The following MUSK variants were observed in gnomAD, a reference collection of about 807,000 sequenced individuals.
MUSK encodes the protein muscle associated receptor tyrosine kinase.
MUSK carries 55 observed loss-of-function variants against 88.7 expected under a neutral mutation model. The ratio of observed to expected loss-of-function variants is 0.62; its 90% CI spans 0.50 to 0.78. The LOEUF is 0.78. MUSK is among the 30% of genes least tolerant of loss of function. MUSK has a pLI of 0.00. For missense variants in MUSK, 1,015 were observed against 1,074.3 expected (o/e 0.94, Z 0.77); for synonymous variants, 387 against 391.9 (o/e 0.99, Z 0.15).
intron 2 of MUSK, among the ~76,000 whole-genome samples, chr9:110,683,634 G>T (rs1388193922): frequency 6.6e-6 from 1 of 151,902 alleles, no homozygotes; most frequent in Non-Finnish European, 1.5e-5. Flanking sequence ...ACACATCCTT[G>T]CGAGCATTTG....
At chr9:110,743,634 C>T (rs144874439) in intron 6 of MUSK, among the ~76,000 whole-genome samples, 5 of 152,186 alleles carry the variant, frequency 3.3e-5, no homozygotes, top group Admixed American at 3.3e-4. Context: ...AGCCAAATCA[C>T]CTAGGTTGAA....
chr9:110,800,467 C>T lies in MUSK; in HGVS notation c.2089C>T (p.Leu697Phe). ...AQVSSPGPPP[L>F]SCAEQLCIAR... The stretch of plus-strand genomic sequence containing the variant: ...GGTCTCCAGCCCTGGGCCCCCACCC[C>T]TCTCCTGTGCTGAGCAGCTTTGCAT... Residue 697 changes from leucine to phenylalanine, a missense_variant, in exon 15 of 15, where the codon CTC (leucine) becomes TTC (phenylalanine). Physicochemically the swap from Leu to Phe is conservative, Grantham distance 22. Transcript: ENST00000374448. The T allele has an allele frequency of 1.2e-6, 2 of 1,613,950 alleles. No individual in the cohort carries two copies. Among genetic ancestry groups the T allele is most frequent in the Admixed American group, 1.7e-5 (1 of 60,018 alleles).
Position 110,747,482 on chromosome 9 carries a change from T to G in MUSK, c.754-159T>G, listed in dbSNP as rs537906439. ...TGAGGGAAGAGCTACAAAGTCACAT[T>G]GCAAGGGCATGGACACAGGGAGGGA... On this transcript the variant is annotated intron_variant, in intron 6 of 14. Coordinates refer to ENST00000374448, the MANE Select transcript of MUSK (RefSeq NM_005592.4). Among the ~76,000 whole-genome samples the G allele has an allele frequency of 2.6e-5, 4 of 152,340 alleles. No homozygotes were observed. In the South Asian group the frequency reaches 8.3e-4, roughly 32 times the overall value.
chr9:110,782,320 G>C lies in MUSK; in HGVS notation c.1385-2495G>C, dbSNP rs530657254. On this transcript the variant is annotated intron_variant, in intron 11 of 14. Coordinates refer to ENST00000374448, the MANE Select transcript of MUSK (RefSeq NM_005592.4). ...ATTGATGTAGTTCAAGGGAAGATCA[G>C]ATCAAATCAGAAGCAGTCATCAAGG... 2.0e-5 allele frequency among the ~76,000 whole-genome samples: 3 copies of C among 152,288 alleles called. No homozygotes were observed. In the East Asian group the frequency reaches 5.8e-4, roughly 29 times the overall value.
In MUSK at chr9:110,785,602, C is replaced by T. The variant is rs2077842566; in HGVS notation, c.1662C>T (p.Tyr554=). The T allele has an allele frequency of 6.2e-7, 1 of 1,613,380 alleles. No homozygotes were observed. Among genetic ancestry groups the T allele is most frequent in the Non-Finnish European group, 8.5e-7 (1 of 1,179,626 alleles). Residue 554 remains tyrosine (Y), a synonymous_variant, in exon 13 of 15, where the codon TAC becomes TAT. Transcript: ENST00000374448. ...LLDRLHPNPM[Y]QRMPLLLNPK... is the part of the protein sequence containing the mutation. The stretch of plus-strand genomic sequence containing the variant: ...ATAGACTTCATCCCAACCCCATGTA[C>T]CAGAGGATGCCGCTCCTTCTGAACC...
intron 11 of MUSK, among the ~76,000 whole-genome samples, chr9:110,784,071 T>G (rs1350980121): frequency 6.6e-6 from 1 of 152,148 alleles, no homozygotes; most frequent in South Asian, 2.1e-4. Context: ...GGAAGGTTTA[T>G]TCTCTATTTT....
At chr9:110,713,262 C>CTTTTTT (rs67227503) in intron 5 of MUSK, among the ~76,000 whole-genome samples, 1 of 137,636 alleles carries the variant, frequency 7.3e-6, no homozygotes, top group Admixed American at 7.4e-5. Flanking sequence ...ACCTTTTTTT[C>CTTTTTT]TTTTTTTTTT....
At chr9:110,690,383 T>G (rs1283849539) in intron 3 of MUSK, among the ~76,000 whole-genome samples, 50 of 113,392 alleles carry the variant, frequency 4.4e-4, no homozygotes, top group Non-Finnish European at 7.6e-4. Flanking sequence ...TATATATATT[T>G]AAATATAAGT....
At chr9:110,689,749 A>AGT (rs1197833897) in intron 3 of MUSK, among the ~76,000 whole-genome samples, 1 of 34,720 alleles carries the variant, frequency 2.9e-5, no homozygotes, top group Non-Finnish European at 5.9e-5. Flanking sequence ...AATATTATAT[A>AGT]TTATATATAA....
intron 6 of MUSK, among the ~76,000 whole-genome samples, chr9:110,740,485 A>C (rs536148162): frequency 1.8e-4 from 28 of 152,276 alleles, no homozygotes; most frequent in Middle Eastern, 3.4e-3. Flanking sequence ...CACAGTTCTC[A>C]TTCCAAAATA....
chr9:110,674,068 C>T (rs1019975669), intron 1 of MUSK, among the ~76,000 whole-genome samples: 1 of 151,894 alleles, frequency 6.6e-6, no homozygotes, highest in Non-Finnish European at 1.5e-5. Context: ...GTTTAATATT[C>T]ACCTCACTGA....
rs2078086670 is a variant in MUSK, at chr9:110,800,880, C to T, written c.2502C>T (p.Leu834=). 4 of 1,582,036 alleles carry T rather than the reference C, an allele frequency of 2.5e-6. No homozygotes were observed. The highest frequency in any genetic ancestry group is 3.4e-6 in the Non-Finnish European group (4 of 1,162,892). The change falls in exon 15 of 15, where the codon CTC becomes CTT. Residue 834 remains leucine, a synonymous_variant. Coordinates refer to ENST00000374448, the MANE Select transcript of MUSK (RefSeq NM_005592.4). Reference sequence around the variant, plus strand: ...ACTGCCCCGTGGAGCTGTACAATCTCATGCGTCTATGTTGGAGCAAGCTGC... The same window carrying T: ...ACTGCCCCGTGGAGCTGTACAATCTTATGCGTCTATGTTGGAGCAAGCTGC... ...PENCPVELYN[L]MRLCWSKLPA...
chr9:110,690,977 G>T (rs1021719707), intron 3 of MUSK, among the ~76,000 whole-genome samples: 1 of 150,686 alleles, frequency 6.6e-6, no homozygotes, highest in East Asian at 2.0e-4. Flanking sequence ...CAATTCTCCT[G>T]CCTCAGCCTC....
chr9:110,687,097 T>C lies in MUSK; in HGVS notation c.207-20T>C, dbSNP rs71501643. ...TCACAGAGGAAGCACTAATCTGTCA[T>C]TTTTTTCTGTGACCTGCAGACTCTT... On this transcript the variant is annotated intron_variant, in intron 2 of 14. Transcript: ENST00000374448. 88,449 of 1,601,560 alleles carry C rather than the reference T, an allele frequency of 0.055. 2,628 individuals carry two copies. Among genetic ancestry groups the C allele is most frequent in the East Asian group, 0.086 (3,848 of 44,548 alleles).
intron 2 of MUSK, among the ~76,000 whole-genome samples, chr9:110,683,464 A>G (rs2076157676): frequency 6.6e-6 from 1 of 152,224 alleles, no homozygotes; most frequent in East Asian, 1.9e-4. Flanking sequence ...TCTCTTTGAT[A>G]TACTGATTTC....
chr9:110,764,207 G>T (rs530335330), intron 8 of MUSK, among the ~76,000 whole-genome samples: 1 of 152,196 alleles, frequency 6.6e-6, no homozygotes, highest in African/African-American at 2.4e-5. Context: ...GTTCTAATGA[G>T]CAACAGGACC....
At chr9:110,727,495 G>A (rs2076901865) in intron 5 of MUSK, 1 of 153,022 alleles carries the variant, frequency 6.5e-6, no homozygotes. Flanking sequence ...TCAGAGAATG[G>A]AGTCATCTGA....
chr9:110,729,006 A>G (rs1406834772), intron 5 of MUSK, among the ~76,000 whole-genome samples: 2 of 151,952 alleles, frequency 1.3e-5, no homozygotes, highest in East Asian at 3.9e-4. Flanking sequence ...AATCAGCATG[A>G]GAGTATAAAT....
rs767990859 is a variant in MUSK, at chr9:110,775,945, G to C, written c.1342G>C (p.Ala448Pro). 2.5e-6 allele frequency: 4 copies of C among 1,612,988 alleles called. No individual in the cohort carries two copies. The highest frequency in any genetic ancestry group is 3.4e-6 in the Non-Finnish European group (4 of 1,179,260). ...PSMHWDPTAC[A>P]RLPHLDYNKE... Reference sequence around the variant, plus strand: ...CATGCATTGGGACCCCACGGCCTGTGCCAGACTGCCACATCTAGGTAACAC... The same window carrying C: ...CATGCATTGGGACCCCACGGCCTGTCCCAGACTGCCACATCTAGGTAACAC... The change falls in exon 10 of 15, where the codon GCC becomes CCC. Residue 448 changes from alanine (A) to proline (P), a missense_variant. Physicochemically the swap from Ala to Pro is conservative, Grantham distance 27. Coordinates refer to ENST00000374448, the MANE Select transcript of MUSK (RefSeq NM_005592.4).
Sources: allele counts gnomAD v4.1 joint callset (sites outside exome capture counted in the v4.1 genomes callset), GRCh38; gene constraint gnomAD v4.1.1; transcripts MANE v1.5; gene names NCBI Gene and HGNC (gene_info 2026-07-23, HGNC 2026-07-21).